Variants in MYRIP observed in about 807,000 individuals in gnomAD.
MYRIP encodes rab effector MyRIP.
MYRIP carries 49 observed loss-of-function variants against 98.0 expected under a neutral mutation model. That is an observed-to-expected ratio of 0.50 (90% CI 0.40 to 0.63). The LOEUF is 0.63. Among genes scored for constraint, MYRIP ranks in the 30% least tolerant of loss-of-function variants. The probability of loss-of-function intolerance (pLI) is 0.00; values close to 1 mark genes in which losing one functional copy is unlikely to be tolerated. For missense variants in MYRIP, 1,004 were observed against 1,058.2 expected (o/e 0.95, Z 0.71); for synonymous variants, 404 against 409.5 (o/e 0.99, Z 0.16).
intron 2 of MYRIP, among the ~76,000 whole-genome samples, chr3:39,964,248 C>T (rs924200303): frequency 1.3e-5 from 2 of 152,036 alleles, no homozygotes; most frequent in East Asian, 1.9e-4. Flanking sequence ...ACTTTGCTTT[C>T]TACTACTTCC....
In MYRIP at chr3:40,086,449, G is replaced by A. The variant is rs568791843; in HGVS notation, c.332+42178G>A. 6.6e-5 allele frequency among the ~76,000 whole-genome samples: 10 copies of A among 152,276 alleles called. 1 individual carries two copies. The South Asian group carries it at 8.3e-4, about 13-fold the overall frequency. On this transcript the variant is annotated intron_variant, in intron 3 of 16. Coordinates refer to ENST00000302541, the MANE Select transcript of MYRIP (RefSeq NM_015460.4). ...TGTGGTAGAGGGGTTTTCGCACTTCGGGCAGGCTCCTCCAACACAGGAGGG... is the reference window on the plus strand; with the variant it reads ...TGTGGTAGAGGGGTTTTCGCACTTCAGGCAGGCTCCTCCAACACAGGAGGG...
At chr3:40,224,733 C>A in intron 11 of MYRIP, among the ~76,000 whole-genome samples, 1 of 152,202 alleles carries the variant, frequency 6.6e-6, no homozygotes, top group East Asian at 1.9e-4. Flanking sequence ...GCCATCAAGA[C>A]CTGGATGACT....
In MYRIP at chr3:40,182,318, G is replaced by A. The variant is rs759791085; in HGVS notation, c.972G>A (p.Pro324=). ...AGCCAAGGGACCAAGGCCAACACCCGAGAGCAGAGTCTGCTCTGCCCAGCT... is the reference window on the plus strand; with the variant it reads ...AGCCAAGGGACCAAGGCCAACACCCAAGAGCAGAGTCTGCTCTGCCCAGCT... ...SRQPRDQGQH[P]RAESALPSWK... The change falls in exon 9 of 17, where the codon CCG becomes CCA. Residue 324 remains proline (P), a synonymous_variant. Coordinates refer to ENST00000302541, the MANE Select transcript of MYRIP (RefSeq NM_015460.4). The A allele has an allele frequency of 1.7e-5, 28 of 1,613,816 alleles. No homozygotes were observed. The highest frequency in any genetic ancestry group is 6.7e-5 in the African/African-American group (5 of 74,922).
At chr3:39,826,059 C>G (rs1344964953) in intron 1 of MYRIP, among the ~76,000 whole-genome samples, 3 of 151,092 alleles carry the variant, frequency 2.0e-5, no homozygotes, top group African/African-American at 7.3e-5. Flanking sequence ...TTTATTTAGG[C>G]CTTCTCTCTT....
At chr3:40,230,270 A>T (rs2125695957) in intron 11 of MYRIP, among the ~76,000 whole-genome samples, 1 of 152,340 alleles carries the variant, frequency 6.6e-6, no homozygotes, top group Non-Finnish European at 1.5e-5. Context: ...GCTTTGTGCC[A>T]TTCAGCTCAT....
chr3:39,866,130 A>G (rs960222962), intron 1 of MYRIP, among the ~76,000 whole-genome samples: 3 of 152,132 alleles, frequency 2.0e-5, no homozygotes, highest in African/African-American at 7.2e-5. Flanking sequence ...CATTGAGTAC[A>G]TATGGACACA....
chr3:40,210,031 A>G lies in MYRIP; in HGVS notation c.1843A>G (p.Asn615Asp), dbSNP rs1951878821. 2 of 1,613,978 alleles carry G rather than the reference A, an allele frequency of 1.2e-6. No individual in the cohort carries two copies. Among genetic ancestry groups the G allele is most frequent in the African/African-American group, 1.3e-5 (1 of 74,928 alleles). Residue 615 changes from asparagine (N) to aspartate (D), a missense_variant, in exon 11 of 17, where the codon AAC becomes GAC. Around this residue, in one of 3 missense-constraint regions of MYRIP, gnomAD observed 880 missense variants for 907.7 expected, o/e 0.97. Coordinates refer to ENST00000302541, the MANE Select transcript of MYRIP (RefSeq NM_015460.4). Reference sequence around the variant, plus strand: ...GTCTGAGCCCAAGACAGAATCTGAGAACCAGAAGGAAAGTCTGTCCTCTGA... The same window carrying G: ...GTCTGAGCCCAAGACAGAATCTGAGGACCAGAAGGAAAGTCTGTCCTCTGA... ...QESEPKTESE[N>D]QKESLSSEDN... is the part of the protein sequence containing the mutation.
intron 1 of MYRIP, among the ~76,000 whole-genome samples, chr3:39,824,395 A>G (rs528538513): frequency 2.0e-5 from 3 of 152,210 alleles, no homozygotes; most frequent in African/African-American, 7.2e-5. Context: ...GAAGAATGTC[A>G]TTAGTATTTT....
chr3:39,809,418 C>T (rs1241404926), upstream of MYRIP, among the ~76,000 whole-genome samples: 1 of 148,236 alleles, frequency 6.7e-6, no homozygotes, highest in Non-Finnish European at 1.5e-5. Flanking sequence ...GCGTGCCGCC[C>T]GCGCGCCCGA....
In MYRIP at chr3:39,959,657, G is replaced by A. The variant is rs1366668635; in HGVS notation, c.110+58731G>A. On this transcript the variant is annotated intron_variant, in intron 2 of 16. Coordinates refer to ENST00000302541, the MANE Select transcript of MYRIP (RefSeq NM_015460.4). ...CTGTACATTGTGCACATGTACCCTA[G>A]TACTTAAAGTATACTTTAAAAAAAA... Among the ~76,000 whole-genome samples, 8 of 147,406 alleles carry A rather than the reference G, an allele frequency of 5.4e-5. No individual in the cohort carries two copies. In the East Asian group the frequency reaches 1.2e-3, roughly 22 times the overall value.
chr3:39,915,108 C>T (rs1163184030), intron 2 of MYRIP, among the ~76,000 whole-genome samples: 6 of 152,026 alleles, frequency 3.9e-5, no homozygotes, highest in Non-Finnish European at 7.4e-5. Flanking sequence ...TCGAGGAACT[C>T]CCCTGGAACT....
At chr3:40,040,225 G>A (rs567317978) in intron 2 of MYRIP, among the ~76,000 whole-genome samples, 2 of 151,958 alleles carry the variant, frequency 1.3e-5, no homozygotes, top group African/African-American at 4.8e-5. Context: ...AACACATGAA[G>A]AAATGCTCAT....
intron 3 of MYRIP, among the ~76,000 whole-genome samples, chr3:40,137,016 C>G (rs1406450094): frequency 6.6e-6 from 1 of 151,862 alleles, no homozygotes; most frequent in East Asian, 1.9e-4. Context: ...TAGCAGAAGG[C>G]AAGAAATAAC....
rs116657604 is a variant in MYRIP, at chr3:40,123,164, T to C, written c.333-27884T>C. On this transcript the variant is annotated intron_variant, in intron 3 of 16. Transcript: ENST00000302541. ...TTTAAGCAGCATGCAATATCAATAA[T>C]TTGTAATAAAAATCAGCATCATGTT... Among the ~76,000 whole-genome samples the C allele has an allele frequency of 7.2e-3, 1,093 of 152,334 alleles. 17 individuals are homozygous for C. Among genetic ancestry groups the C allele is most frequent in the African/African-American group, 0.025 (1,036 of 41,578 alleles).
At chr3:40,007,630 C>G (rs2125792260) in intron 2 of MYRIP, among the ~76,000 whole-genome samples, 1 of 152,324 alleles carries the variant, frequency 6.6e-6, no homozygotes, top group South Asian at 2.1e-4. Context: ...CCAGAGCAGA[C>G]TACAGTGGGT....
intron 3 of MYRIP, among the ~76,000 whole-genome samples, chr3:40,117,194 TA>T (rs1381293397): frequency 1.3e-5 from 2 of 152,206 alleles, no homozygotes; most frequent in Non-Finnish European, 2.9e-5. Context: ...GTGGCCAGTT[TA>T]GAAAAATTTG....
At chr3:39,823,182 G>T (rs1941162153) in intron 1 of MYRIP, among the ~76,000 whole-genome samples, 1 of 151,998 alleles carries the variant, frequency 6.6e-6, no homozygotes, top group African/African-American at 2.4e-5. Flanking sequence ...ACCACGCCCA[G>T]CAAATTTTTG....
At position 40,237,865 on chromosome 3, in the gene MYRIP, A is replaced by G. The variant is rs571776446; in HGVS notation, c.2100+3812A>G. On this transcript the variant is annotated intron_variant, in intron 12 of 16. Coordinates refer to ENST00000302541, the MANE Select transcript of MYRIP (RefSeq NM_015460.4). ...AATGACAATGGTCAGTTCTCATAGC[A>G]CACTTAAAACAAAGATATCCTGCCC... Among the ~76,000 whole-genome samples, 6 of 152,382 alleles carry G rather than the reference A, an allele frequency of 3.9e-5. No individual in the cohort carries two copies. In the East Asian group the frequency reaches 1.2e-3, roughly 29 times the overall value.
At chr3:39,943,955 A>G (rs969604383) in intron 2 of MYRIP, among the ~76,000 whole-genome samples, 1 of 152,066 alleles carries the variant, frequency 6.6e-6, no homozygotes, top group Non-Finnish European at 1.5e-5. Flanking sequence ...AGAGAAGCCA[A>G]GATAGTTTGG....
Sources: allele counts gnomAD v4.1 joint callset (sites outside exome capture counted in the v4.1 genomes callset), GRCh38; gene constraint gnomAD v4.1.1; regional missense constraint gnomAD v4.1.1; transcripts MANE v1.5; gene names NCBI Gene and HGNC (gene_info 2026-07-23, HGNC 2026-07-21).